RASSF3: variants seen among roughly 807,000 people sequenced by gnomAD.
RASSF3 encodes Ras association domain family member 3, also known as ras association domain-containing protein 3.
In RASSF3, 19 loss-of-function variants were observed where a neutral mutation model predicts 19.9. The observed-to-expected ratio is 0.96, with a 90% CI of 0.67 to 1.40. The LOEUF (loss-of-function observed/expected upper bound fraction) is 1.40, where lower values mean the gene tolerates loss of function less well. Ranked by LOEUF, RASSF3 falls within the 40% of genes most tolerant of loss-of-function variation. RASSF3 has a pLI of 0.00. For synonymous variants in RASSF3, 110 were observed against 104.2 expected (o/e 1.06, Z -0.34); for missense variants, 306 against 289.8 (o/e 1.06, Z -0.41).
chr12:64,523,953 G>A lies in RASSF3; in HGVS notation c.169+16624G>A, dbSNP rs77365403. On this transcript the variant is annotated intron_variant, in intron 1 of 5. Coordinates refer to the RASSF3 transcript ENST00000637125. Reference sequence around the variant, plus strand: ...CCACAGCCCAGTTCCTGAGCTCATCGGGGTGACTAATTCAGAGAGGAATGG... The same window carrying A: ...CCACAGCCCAGTTCCTGAGCTCATCAGGGTGACTAATTCAGAGAGGAATGG... 2.8e-3 allele frequency among the ~76,000 whole-genome samples: 431 copies of A among 152,098 alleles called. 1 individual carries two copies. Among genetic ancestry groups the A allele is most frequent in the African/African-American group, 9.9e-3 (410 of 41,500 alleles).
chr12:64,618,166 A>C (rs1212516218), intron 1 of RASSF3, among the ~76,000 whole-genome samples: 3 of 151,990 alleles, frequency 2.0e-5, no homozygotes, highest in African/African-American at 7.3e-5. Flanking sequence ...TGCAATTGTT[A>C]TTCACAGGCA....
At chr12:64,597,042 C>T (rs1870009364) in intron 2 of RASSF3, among the ~76,000 whole-genome samples, 1 of 152,162 alleles carries the variant, frequency 6.6e-6, no homozygotes, top group Non-Finnish European at 1.5e-5. Context: ...GCTAGGATTA[C>T]AGGCGTGAGC....
At position 64,598,955 on chromosome 12, in the gene RASSF3, C is replaced by T. The variant is rs970258759; in HGVS notation, c.294+57250C>T. 3.4e-5 allele frequency: 5 copies of T among 146,252 alleles called. No homozygotes were observed. The East Asian group carries it at 8.3e-4, about 24-fold the overall frequency. 9.1% of individuals were successfully genotyped at this position (146,252 alleles called of 1,614,324 possible). On this transcript the variant is annotated intron_variant, in intron 2 of 5. Coordinates refer to the RASSF3 transcript ENST00000637125. ...TTCCTGGAGACACAGATTTCAAAGT[C>T]AGATATGGTCACCAGATCTCTGCCT...
chr12:64,591,046 T>A (rs1401406662), intron 2 of RASSF3, among the ~76,000 whole-genome samples: 1 of 152,208 alleles, frequency 6.6e-6, no homozygotes, highest in Admixed American at 6.5e-5. Flanking sequence ...GCTTTGAAGA[T>A]GAAAGGATGC....
At chr12:64,611,716 A>G (rs1292952669) in intron 1 of RASSF3, 1 of 152,242 alleles carries the variant, frequency 6.6e-6, no homozygotes, top group Non-Finnish European at 1.5e-5. Context: ...TTAATACCGG[A>G]CTGAGACCTA....
At chr12:64,637,481 G>T (rs572127580) in intron 1 of RASSF3, among the ~76,000 whole-genome samples, 1 of 150,228 alleles carries the variant, frequency 6.7e-6, no homozygotes, top group East Asian at 2.0e-4. Context: ...CCAGGCTGGA[G>T]TGCAGTGGCG....
intron 1 of RASSF3, among the ~76,000 whole-genome samples, chr12:64,522,973 A>C (rs1868510052): frequency 6.6e-6 from 1 of 152,200 alleles, no homozygotes; most frequent in Non-Finnish European, 1.5e-5. Context: ...ACATCCCCCA[A>C]GCCCAAGTCA....
intron 1 of RASSF3, among the ~76,000 whole-genome samples, chr12:64,617,969 G>A (rs1870611720): frequency 6.6e-6 from 1 of 152,188 alleles, no homozygotes. Flanking sequence ...CAACAGAAAC[G>A]TAATCATCTT....
chr12:64,689,221 G>GTT (rs34526895), intron 3 of RASSF3, among the ~76,000 whole-genome samples: 274 of 33,022 alleles, frequency 8.3e-3, no homozygotes, highest in African/African-American at 0.033. Flanking sequence ...TGAAATCGGG[G>GTT]TGTGTGTGTG....
chr12:64,554,356 G>A (rs1869218078), intron 2 of RASSF3, among the ~76,000 whole-genome samples: 1 of 152,226 alleles, frequency 6.6e-6, no homozygotes, highest in Non-Finnish European at 1.5e-5. Flanking sequence ...CCAGGCTGGA[G>A]TGCAGTGGCG....
intron 1 of RASSF3, among the ~76,000 whole-genome samples, chr12:64,643,645 A>C (rs76046506): frequency 0.017 from 2,632 of 152,176 alleles, 82 homozygotes; most frequent in African/African-American, 0.061. Flanking sequence ...GGAAAAAAAA[A>C]CCGGAATGAT....
chr12:64,638,505 A>G (rs532368569), intron 1 of RASSF3, among the ~76,000 whole-genome samples: 88 of 150,766 alleles, frequency 5.8e-4, no homozygotes, highest in African/African-American at 1.8e-3. Flanking sequence ...GCGTGAACCC[A>G]GGAGGCGGAG....
intron 1 of RASSF3, among the ~76,000 whole-genome samples, chr12:64,632,561 G>A (rs1376600236): frequency 1.3e-5 from 2 of 152,046 alleles, no homozygotes; most frequent in African/African-American, 2.4e-5. Context: ...GCACCTGATC[G>A]ACCAGGGTGA....
intron 2 of RASSF3, among the ~76,000 whole-genome samples, chr12:64,549,884 G>T (rs760342307): frequency 6.6e-6 from 1 of 152,132 alleles, no homozygotes; most frequent in Non-Finnish European, 1.5e-5. Flanking sequence ...CAGTCCTAAG[G>T]TTTAGACACA....
intron 1 of RASSF3, among the ~76,000 whole-genome samples, chr12:64,516,499 G>GGT (rs1868368206): frequency 6.7e-6 from 1 of 149,406 alleles, no homozygotes; most frequent in African/African-American, 2.5e-5. Context: ...GGCGCCTGTA[G>GGT]TCCCAGCTAC....
intron 2 of RASSF3, among the ~76,000 whole-genome samples, chr12:64,547,590 GGGAAGGAAGGAC>G (rs1323793103): frequency 1.3e-5 from 2 of 151,636 alleles, no homozygotes; most frequent in Non-Finnish European, 1.5e-5. Flanking sequence ...GAAAAAAGAA[GGGAAGGAAGGAC>G]GGAAGGAAGG....
Position 64,619,567 on chromosome 12 carries a change from C to T in RASSF3, c.111+8824C>T, listed in dbSNP as rs1164440752. ...CTTGGTTCTTTTTCCAGATGCTAAA[C>T]AAGGTGAGATAATTAGAGGAGGAAA... On this transcript the variant is annotated intron_variant, in intron 1 of 4. Transcript: ENST00000542104. Among the ~76,000 whole-genome samples the T allele has an allele frequency of 2.0e-5, 3 of 151,950 alleles. 1 individual carries two copies. Among genetic ancestry groups the T allele is most frequent in the Non-Finnish European group, 4.4e-5 (3 of 67,994 alleles).
At chr12:64,661,462 G>T (rs996507282) in intron 1 of RASSF3, among the ~76,000 whole-genome samples, 1 of 151,878 alleles carries the variant, frequency 6.6e-6, no homozygotes, top group Non-Finnish European at 1.5e-5. Flanking sequence ...CAGCTTGGGC[G>T]ACAAAGTGAG....
chr12:64,528,659 A>G (rs563349775), upstream of RASSF3, among the ~76,000 whole-genome samples: 3 of 152,360 alleles, frequency 2.0e-5, no homozygotes, highest in Admixed American at 1.3e-4. Context: ...TCCCTTTAGC[A>G]TTAAGCAGAA....
Sources: allele counts gnomAD v4.1 joint callset (sites outside exome capture counted in the v4.1 genomes callset), GRCh38; gene constraint gnomAD v4.1.1; transcripts MANE v1.5; gene names NCBI Gene and HGNC (gene_info 2026-07-23, HGNC 2026-07-21).